The following CACNA1C variants were observed in gnomAD, a reference collection of about 807,000 sequenced individuals.
CACNA1C encodes voltage-dependent L-type calcium channel subunit alpha-1C.
In CACNA1C, 30 loss-of-function variants were observed where a neutral mutation model predicts 229.0. That is an observed-to-expected ratio of 0.13 (90% CI 0.10 to 0.18). The LOEUF (loss-of-function observed/expected upper bound fraction) is 0.18, where lower values mean the gene tolerates loss of function less well. Among genes scored for constraint, CACNA1C ranks in the 10% least tolerant of loss-of-function variants. CACNA1C has a pLI of 1.00. For missense variants in CACNA1C, 1,658 were observed against 2,845.0 expected (o/e 0.58, Z 9.49); for synonymous variants, 1,114 against 1,132.5 (o/e 0.98, Z 0.33).
At chr12:2,308,110 T>C (rs1460202046) in intron 3 of CACNA1C, among the ~76,000 whole-genome samples, 6 of 152,208 alleles carry the variant, frequency 3.9e-5, no homozygotes, top group Non-Finnish European at 1.5e-5. Context: ...ATTATAGGAA[T>C]CACTCAAACA....
chr12:2,631,520 A>G lies in CACNA1C; in HGVS notation c.3829-2777A>G, dbSNP rs145649254. ...AGTTCATCTGGGGTCTTCACTTCTTATTTCCCTCTCCCCAAAATCACTATT... is the reference window on the plus strand; with the variant it reads ...AGTTCATCTGGGGTCTTCACTTCTTGTTTCCCTCTCCCCAAAATCACTATT... On this transcript the variant is annotated intron_variant, in intron 29 of 46. Coordinates refer to ENST00000399655, the MANE Select transcript of CACNA1C (RefSeq NM_000719.7). Among the ~76,000 whole-genome samples, 551 of 152,228 alleles carry G rather than the reference A, an allele frequency of 3.6e-3. 4 individuals carry two copies. Among genetic ancestry groups the G allele is most frequent in the African/African-American group, 0.013 (528 of 41,538 alleles).
chr12:2,284,018 G>A (rs1008009362), intron 3 of CACNA1C, among the ~76,000 whole-genome samples: 1 of 152,154 alleles, frequency 6.6e-6, no homozygotes, highest in Non-Finnish European at 1.5e-5. Flanking sequence ...CAAAACAGCA[G>A]TATACCCGGG....
intron 1 of CACNA1C, among the ~76,000 whole-genome samples, chr12:2,055,714 C>A (rs993277516): frequency 5.3e-5 from 8 of 152,216 alleles, no homozygotes; most frequent in African/African-American, 1.9e-4. Context: ...AATTCCAGTT[C>A]TCTCCCTTGA....
In CACNA1C at chr12:2,249,953, C is replaced by T. The variant is rs188209668; in HGVS notation, c.477+129523C>T. On this transcript the variant is annotated intron_variant, in intron 3 of 46. Coordinates refer to ENST00000399655, the MANE Select transcript of CACNA1C (RefSeq NM_000719.7). Reference sequence around the variant, plus strand: ...TCTCTCGAGTAGCTGAGACTACAGGCGCCCGCCACCACGCCTGGCTAATTT... The same window carrying T: ...TCTCTCGAGTAGCTGAGACTACAGGTGCCCGCCACCACGCCTGGCTAATTT... Among the ~76,000 whole-genome samples, 457 of 152,182 alleles carry T rather than the reference C, an allele frequency of 3.0e-3. 7 individuals are homozygous for T. The highest frequency in any genetic ancestry group is 0.01 in the African/African-American group (434 of 41,520).
intron 3 of CACNA1C, among the ~76,000 whole-genome samples, chr12:2,394,318 A>G (rs1434587032): frequency 6.6e-6 from 1 of 152,196 alleles, no homozygotes; most frequent in Non-Finnish European, 1.5e-5. Flanking sequence ...CAGCCATGAT[A>G]AACGCAGGCT....
intron 3 of CACNA1C, among the ~76,000 whole-genome samples, chr12:2,267,617 G>A (rs2082878730): frequency 6.6e-6 from 1 of 152,210 alleles, no homozygotes; most frequent in African/African-American, 2.4e-5. Flanking sequence ...CCGAAGCTCA[G>A]CTCCAGCCAG....
Position 2,067,706 on chromosome 12 carries a change from G to T in CACNA1C, c.49+14095G>T, listed in dbSNP as rs775378185. Among the ~76,000 whole-genome samples, 1 of 152,054 alleles carries T rather than the reference G, an allele frequency of 6.6e-6. No homozygotes were observed. Among genetic ancestry groups the T allele is most frequent in the Non-Finnish European group, 1.5e-5 (1 of 68,000 alleles). ...ACCAGGCTTCCCACAGACTGTCTTG[G>T]GCATCAAGGACAAGGAACCTGCACT... On this transcript the variant is annotated intron_variant, in intron 1 of 46. Coordinates refer to ENST00000399655, the MANE Select transcript of CACNA1C (RefSeq NM_000719.7). This position sits in a 1 kb window ranked among gnomAD's most constrained non-coding sequence, Gnocchi z 5.3.
chr12:2,149,133 A>G (rs74950543), intron 3 of CACNA1C, among the ~76,000 whole-genome samples: 1,536 of 152,306 alleles, frequency 0.01, 25 homozygotes, highest in African/African-American at 0.035. Flanking sequence ...ATTAACTAAT[A>G]GACTGATGAG....
rs977596664 is a variant in CACNA1C, at chr12:2,449,238, G to T, written c.617+123G>T. The stretch of plus-strand genomic sequence containing the variant: ...AAGATTTAGGCTCGCAGATGATCTA[G>T]AGTGAGAAAAATGAGATTTATTTTG... On this transcript the variant is annotated intron_variant, in intron 4 of 46. Transcript: ENST00000399655. The T allele has an allele frequency of 1.0e-4, 66 of 644,818 alleles. No homozygotes were observed. The Admixed American group carries it at 2.4e-3, about 24-fold the overall frequency. 39.9% of individuals were successfully genotyped at this position (644,818 alleles called of 1,614,324 possible).
intron 9 of CACNA1C, among the ~76,000 whole-genome samples, chr12:2,540,444 G>A (rs1031081951): frequency 6.6e-6 from 1 of 152,102 alleles, no homozygotes; most frequent in African/African-American, 2.4e-5. Flanking sequence ...CTCTGAGAAG[G>A]GATGAAATTT....
intron 3 of CACNA1C, among the ~76,000 whole-genome samples, chr12:2,320,246 A>G (rs1295792809): frequency 1.3e-5 from 2 of 152,046 alleles, no homozygotes; most frequent in East Asian, 3.9e-4. Flanking sequence ...CCCTCATCCT[A>G]ACTCCCTCCT....
intron 3 of CACNA1C, among the ~76,000 whole-genome samples, chr12:2,185,035 T>C (rs1055369016): frequency 6.6e-5 from 10 of 151,808 alleles, no homozygotes; most frequent in Admixed American, 6.5e-4. Flanking sequence ...CGTGGCTCAT[T>C]GCTCCTGGGC....
At chr12:2,448,101 C>G (rs1025009297) in intron 3 of CACNA1C, among the ~76,000 whole-genome samples, 1 of 152,230 alleles carries the variant, frequency 6.6e-6, no homozygotes, top group Admixed American at 6.5e-5. Context: ...TGGCGAGGGA[C>G]GTGCATGAAT....
chr12:2,383,300 C>T (rs997260918), intron 3 of CACNA1C, among the ~76,000 whole-genome samples: 2 of 152,090 alleles, frequency 1.3e-5, no homozygotes, highest in African/African-American at 2.4e-5. Flanking sequence ...TGTCTCGTGG[C>T]GATGCTTAAC....
chr12:2,428,375 C>A (rs2099052671), intron 3 of CACNA1C, among the ~76,000 whole-genome samples: 1 of 152,224 alleles, frequency 6.6e-6, no homozygotes, highest in African/African-American at 2.4e-5. Flanking sequence ...TCCTACACTG[C>A]CTTCTCCAGG....
At chr12:2,168,515 T>C (rs1367934667) in intron 3 of CACNA1C, among the ~76,000 whole-genome samples, 3 of 152,248 alleles carry the variant, frequency 2.0e-5, no homozygotes, top group Admixed American at 1.3e-4. Context: ...AAATGCCATT[T>C]AGTGATATTT....
chr12:2,475,627 A>G (rs2283313), intron 5 of CACNA1C, among the ~76,000 whole-genome samples: 111,224 of 152,186 alleles, frequency 0.73, 41,090 homozygotes, highest in East Asian at 0.88. Flanking sequence ...GGCACAGCTG[A>G]AAACAGTTAT....
intron 3 of CACNA1C, among the ~76,000 whole-genome samples, chr12:2,231,179 C>T (rs1047120583): frequency 2.6e-5 from 4 of 152,174 alleles, no homozygotes; most frequent in African/African-American, 9.7e-5. Context: ...ATGTATATGT[C>T]ATCCCTCTTC....
chr12:2,435,066 C>T (rs1048625250), intron 3 of CACNA1C, among the ~76,000 whole-genome samples: 16 of 152,298 alleles, frequency 1.1e-4, no homozygotes, highest in African/African-American at 3.6e-4. Flanking sequence ...GGAGTTTAGA[C>T]CTCACCTGCC....
Sources: allele counts gnomAD v4.1 joint callset (sites outside exome capture counted in the v4.1 genomes callset), GRCh38; gene constraint gnomAD v4.1.1; non-coding constraint Gnocchi (gnomAD v3.1); transcripts MANE v1.5; gene names NCBI Gene and HGNC (gene_info 2026-07-23, HGNC 2026-07-21).